The following SNRNP200 variants were observed in gnomAD, a reference collection of about 807,000 sequenced individuals.
SNRNP200 encodes U5 small nuclear ribonucleoprotein 200 kDa helicase.
SNRNP200 carries 66 observed loss-of-function variants against 255.2 expected under a neutral mutation model. The ratio of observed to expected loss-of-function variants is 0.26; its 90% CI spans 0.21 to 0.32. SNRNP200 has a LOEUF of 0.32. Among genes scored for constraint, SNRNP200 ranks in the 10% least tolerant of loss-of-function variants. The pLI is 1.00. For missense variants in SNRNP200, 1,585 were observed against 2,749.8 expected, an observed-to-expected ratio of 0.58 and a Z score of 9.47; for synonymous variants, 939 against 1,027.8, an observed-to-expected ratio of 0.91 and a Z score of 1.65.
At chr2:96,292,266 T>C (rs1273502562) in intron 16 of SNRNP200, among the ~76,000 whole-genome samples, 1 of 152,196 alleles carries the variant, frequency 6.6e-6, no homozygotes, top group African/African-American at 2.4e-5. Context: ...ACTAAAACAT[T>C]ACACTACTTA....
In SNRNP200 at chr2:96,289,127, G is replaced by A. The variant is rs1464359548; in HGVS notation, c.3094-10C>T. 1 of 1,613,776 alleles carries A rather than the reference G, an allele frequency of 6.2e-7. No individual in the cohort carries two copies. Among genetic ancestry groups the A allele is most frequent in the Non-Finnish European group, 8.5e-7 (1 of 1,179,936 alleles). ...GCTCCAGCTTCTCCTCCTGCCACAA[G>A]GAGGAAAAGGTCAAGGGAAAGCCTT... On this transcript the variant is annotated splice_polypyrimidine_tract_variant and intron_variant, in intron 22 of 44. Transcript: ENST00000323853.
At chr2:96,281,959 G>A in intron 34 of SNRNP200, 37 bp from the exon 35 acceptor site, 4 of 1,526,900 alleles carry the variant, frequency 2.6e-6, no homozygotes, top group African/African-American at 2.7e-5. Flanking sequence ...TGAGGGCAGG[G>A]GTCTCCGGGT....
intron 5 of SNRNP200, 130 bp from the exon 6 acceptor site, chr2:96,299,557 T>C (rs376749109): frequency 2.8e-5 from 22 of 774,550 alleles, no homozygotes; most frequent in African/African-American, 1.7e-4. Context: ...CGAGAGCCTA[T>C]TGGAACCAAG....
intron 29 of SNRNP200, among the ~76,000 whole-genome samples, chr2:96,285,856 T>TA (rs767800088): frequency 6.6e-6 from 1 of 152,224 alleles, no homozygotes; most frequent in Non-Finnish European, 1.5e-5. Context: ...GGAACACTAA[T>TA]GGCAGTATCT....
At chr2:96,303,084 T>G (rs902648376) in intron 3 of SNRNP200, 75 bp downstream of exon 3, 12 of 1,518,754 alleles carry the variant, frequency 7.9e-6, no homozygotes, top group East Asian at 2.3e-5. Context: ...ACTTCGAAGA[T>G]TCCAAGGATC....
chr2:96,289,715 C>T, intron 21 of SNRNP200, 84 bp downstream of exon 21: 1 of 1,229,118 alleles, frequency 8.1e-7, no homozygotes. Flanking sequence ...GCAGTACTCA[C>T]ATCAAGAGAG....
chr2:96,276,872 G>C, intron 43 of SNRNP200, 32 bp downstream of exon 43: 1 of 1,609,874 alleles, frequency 6.2e-7, no homozygotes, highest in South Asian at 1.1e-5. Context: ...AGGGTGAGTT[G>C]ACACCTGACC....
intron 13 of SNRNP200, 73 bp downstream of exon 13, chr2:96,296,448 AATACAAGAAGCGGTG>A: frequency 2.3e-6 from 3 of 1,329,762 alleles, no homozygotes; most frequent in Non-Finnish European, 3.2e-6. Flanking sequence ...GAGATGCCCT[AATACAAGAAGCGGTG>A]AGGTCCAGGC....
At chr2:96,275,867 A>G (rs1426640301) in intron 43 of SNRNP200, among the ~76,000 whole-genome samples, 1 of 152,216 alleles carries the variant, frequency 6.6e-6, no homozygotes, top group Non-Finnish European at 1.5e-5. Flanking sequence ...TTAGCCGGGC[A>G]TGGTGGCGGG....
rs146087287 is a variant in SNRNP200, at chr2:96,298,049, G to A, written c.1119+235C>T. 6.2e-3 allele frequency among the ~76,000 whole-genome samples: 943 copies of A among 152,322 alleles called. 2 individuals are homozygous for A. Among genetic ancestry groups the A allele is most frequent in the Middle Eastern group, 0.017 (5 of 294 alleles). On this transcript the variant is annotated intron_variant, in intron 9 of 44. Coordinates refer to ENST00000323853, the MANE Select transcript of SNRNP200 (RefSeq NM_014014.5). ...TTAGTAAACACCATGGATTTACTGT[G>A]TAAATAAACAATAAAGGTCCCCACA...
chr2:96,278,951 G>C lies in SNRNP200; in HGVS notation c.5181C>G (p.His1727Gln). The change falls in exon 37 of 45, where the codon CAC (histidine) becomes CAG (glutamine). Residue 1727 changes from histidine to glutamine, a missense_variant. His to Gln is a conservative substitution (Grantham distance 24, BLOSUM62 0). This residue lies in a region of SNRNP200 where 279 missense variants were observed against 551.2 expected (regional missense o/e 0.51). Coordinates refer to ENST00000323853, the MANE Select transcript of SNRNP200 (RefSeq NM_014014.5). The surrounding 1 kb of genome is among the most constrained non-coding windows in gnomAD (Gnocchi z 6.9). ...AGTGGTCATGCATACAGTGGTCCAGGTGAGATTCTACTGGCAATGGCTCAT... is the reference window on the plus strand; with the variant it reads ...AGTGGTCATGCATACAGTGGTCCAGCTGAGATTCTACTGGCAATGGCTCAT... ...FLYEPLPVES[H>Q]LDHCMHDHFN... 6.2e-7 allele frequency: 1 copy of C among 1,614,102 alleles called. No homozygotes were observed. The highest frequency in any genetic ancestry group is 2.2e-5 in the East Asian group (1 of 44,884).
At position 96,291,333 on chromosome 2, in the gene SNRNP200, A is replaced by G. The variant is rs928985271; in HGVS notation, c.2421+59T>C. The stretch of plus-strand genomic sequence containing the variant: ...GGAGCAAACATGGCACAAACTTGAC[A>G]TTGCCCATCTTCTGAAGTATGTCCC... On this transcript the variant is annotated intron_variant, in intron 18 of 44. Coordinates refer to ENST00000323853, the MANE Select transcript of SNRNP200 (RefSeq NM_014014.5). The surrounding 1 kb of genome is among the most constrained non-coding windows in gnomAD (Gnocchi z 4.2). 2.4e-5 allele frequency: 23 copies of G among 964,836 alleles called. No individual in the cohort carries two copies. The highest frequency in any genetic ancestry group is 3.9e-5 in the Non-Finnish European group (23 of 587,260). 59.8% of individuals were successfully genotyped at this position (964,836 alleles called of 1,614,324 possible). A position where few individuals can be genotyped will look rare whatever the true frequency, so the allele number is the denominator to read the frequency against.
intron 35 of SNRNP200, among the ~76,000 whole-genome samples, chr2:96,280,392 G>T (rs1218940193): frequency 6.6e-6 from 1 of 151,998 alleles, no homozygotes; most frequent in African/African-American, 2.4e-5. Flanking sequence ...CAGCTACTTG[G>T]GAGACTGAGG....
At chr2:96,299,950 C>T (rs1319504777) in intron 5 of SNRNP200, among the ~76,000 whole-genome samples, 1 of 152,184 alleles carries the variant, frequency 6.6e-6, no homozygotes, top group African/African-American at 2.4e-5. Context: ...ATCATCAAAT[C>T]CTATTAACTA....
chr2:96,298,511 C>G lies in SNRNP200; in HGVS notation c.983-91G>C, dbSNP rs1003073757. On this transcript the variant is annotated intron_variant, in intron 8 of 44. Transcript: ENST00000323853. ...GTAGAAAGAAGAAAAATAAAAGAAA[C>G]AAGCACTTAGGCTGTGAAAACAACA... The G allele has an allele frequency of 2.5e-6, 4 of 1,609,784 alleles. No individual in the cohort carries two copies. In the Admixed American group the frequency reaches 5.0e-5, roughly 20 times the overall value.
At chr2:96,297,794 C>T (rs1202881352) in intron 9 of SNRNP200, 74 bp from the exon 10 acceptor site, 14 of 1,520,464 alleles carry the variant, frequency 9.2e-6, no homozygotes, top group Non-Finnish European at 1.2e-5. Flanking sequence ...TCTGCCCCTG[C>T]TTAGCTAATA....
intron 3 of SNRNP200, among the ~76,000 whole-genome samples, chr2:96,302,645 C>A (rs944594436): frequency 5.3e-5 from 8 of 152,182 alleles, no homozygotes; most frequent in African/African-American, 1.9e-4. Flanking sequence ...AAGCCTGCCT[C>A]CCACTTCATG....
At position 96,281,937 on chromosome 2, in the gene SNRNP200, G is replaced by C; in HGVS notation, c.4916-15C>G. 6.2e-7 allele frequency: 1 copy of C among 1,605,348 alleles called. No homozygotes were observed. Among genetic ancestry groups the C allele is most frequent in the African/African-American group, 1.3e-5 (1 of 74,846 alleles). ...CTGGATAGCCCCTGAGCAGTAGAGG[G>C]GAGAGGAAGGCTGAGGGCAGGGGTC... On this transcript the variant is annotated splice_polypyrimidine_tract_variant and intron_variant, in intron 34 of 44. Transcript: ENST00000323853.
Position 96,291,961 on chromosome 2 carries a change from G to T in SNRNP200, c.2161-61C>A. 2 of 1,589,264 alleles carry T rather than the reference G, an allele frequency of 1.3e-6. No individual in the cohort carries two copies. The highest frequency in any genetic ancestry group is 1.3e-5 in the African/African-American group (1 of 74,682). On this transcript the variant is annotated intron_variant, in intron 16 of 44. Coordinates refer to ENST00000323853, the MANE Select transcript of SNRNP200 (RefSeq NM_014014.5). This position sits in a 1 kb window ranked among gnomAD's most constrained non-coding sequence, Gnocchi z 4.2. ...TACTCACAGCCCCAGGGCACCTGCA[G>T]CAGGAAGCAGAAGTTGCACCATCAC...
Sources: allele counts gnomAD v4.1 joint callset (sites outside exome capture counted in the v4.1 genomes callset), GRCh38; gene constraint gnomAD v4.1.1; regional missense constraint gnomAD v4.1.1; non-coding constraint Gnocchi (gnomAD v3.1); transcripts MANE v1.5; gene names NCBI Gene and HGNC (gene_info 2026-07-23, HGNC 2026-07-21).